PARVB: variants seen among roughly 807,000 people sequenced by gnomAD.
PARVB encodes parvin beta, also known as beta-parvin.
PARVB carries 46 observed loss-of-function variants against 47.0 expected under a neutral mutation model. That is an observed-to-expected ratio of 0.98 (90% CI 0.77 to 1.25). The LOEUF is 1.25. Ranked by LOEUF, PARVB falls within the 50% of genes most tolerant of loss-of-function variation. PARVB has a pLI of 0.00. For synonymous variants in PARVB, 196 were observed against 196.3 expected (o/e 1.00, Z 0.01); for missense variants, 473 against 471.6 (o/e 1.00, Z -0.03).
intron 1 of PARVB, among the ~76,000 whole-genome samples, chr22:44,087,917 C>T (rs941238688): frequency 2.7e-5 from 4 of 147,232 alleles, no homozygotes; most frequent in South Asian, 2.1e-4. Flanking sequence ...CTTTGGAAGC[C>T]GCACATATTC....
chr22:44,123,693 G>A (rs2053123789), intron 4 of PARVB, among the ~76,000 whole-genome samples: 1 of 152,004 alleles, frequency 6.6e-6, no homozygotes, highest in Non-Finnish European at 1.5e-5. Context: ...GGGTTTACAG[G>A]CATGAGCCAC....
At chr22:44,060,657 G>A (rs2051401879) in intron 1 of PARVB, among the ~76,000 whole-genome samples, 1 of 152,052 alleles carries the variant, frequency 6.6e-6, no homozygotes, top group Non-Finnish European at 1.5e-5. Context: ...TTTGGGCACA[G>A]GCGAAGGAGA....
chr22:44,095,381 G>C (rs1012917741), intron 2 of PARVB, among the ~76,000 whole-genome samples: 2 of 152,092 alleles, frequency 1.3e-5, no homozygotes, highest in Non-Finnish European at 2.9e-5. Flanking sequence ...TGGCTAGCCT[G>C]TAATTCCAGC....
intron 1 of PARVB, among the ~76,000 whole-genome samples, chr22:44,066,780 TCTCCTCCTCCTCCTC>T (rs199990350): frequency 6.2e-5 from 3 of 48,080 alleles, no homozygotes; most frequent in African/African-American, 9.5e-5. Context: ...CTTAATTATT[TCTCCTCCTCCTCCTC>T]CTCCTCCTCC....
chr22:44,030,459 C>T (rs550021558), intron 1 of PARVB, among the ~76,000 whole-genome samples: 11 of 152,292 alleles, frequency 7.2e-5, no homozygotes, highest in Admixed American at 5.2e-4. Context: ...CAGCCCTGGT[C>T]GGGGGCTGGA....
rs137924004 is a variant in PARVB, at chr22:44,100,535, A to G, written c.273+412A>G. On this transcript the variant is annotated intron_variant, in intron 3 of 12. Transcript: ENST00000338758. ...GGGGTCACCCTGGCCACTCCTGGCCAGGAGCCATCTGATGCCGATGCCTGC... is the reference window on the plus strand; with the variant it reads ...GGGGTCACCCTGGCCACTCCTGGCCGGGAGCCATCTGATGCCGATGCCTGC... Among the ~76,000 whole-genome samples the G allele has an allele frequency of 2.4e-3, 367 of 152,294 alleles. 1 individual carries two copies. The highest frequency in any genetic ancestry group is 8.3e-3 in the African/African-American group (347 of 41,574).
At chr22:44,061,591 A>T (rs1361751051) in intron 1 of PARVB, among the ~76,000 whole-genome samples, 2 of 152,024 alleles carry the variant, frequency 1.3e-5, no homozygotes, top group Non-Finnish European at 2.9e-5. Context: ...CCCGTGTTTG[A>T]CCTCAGGTGG....
At chr22:44,123,079 C>A (rs2053106915) in intron 4 of PARVB, among the ~76,000 whole-genome samples, 1 of 152,228 alleles carries the variant, frequency 6.6e-6, no homozygotes, top group Non-Finnish European at 1.5e-5. Flanking sequence ...ACCTCTCTCA[C>A]CTCTGGCCTT....
At chr22:44,065,026 G>A (rs1601548775) in intron 1 of PARVB, among the ~76,000 whole-genome samples, 2 of 152,152 alleles carry the variant, frequency 1.3e-5, no homozygotes, top group East Asian at 3.9e-4. Context: ...ATTTCTTTGG[G>A]TTTTACTTTG....
At chr22:44,024,909 C>T (rs1238343542) in intron 1 of PARVB, among the ~76,000 whole-genome samples, 1 of 152,198 alleles carries the variant, frequency 6.6e-6, no homozygotes, top group East Asian at 1.9e-4. Flanking sequence ...GGGCTCAGGG[C>T]GTGCAGGGCT....
chr22:44,030,901 C>T (rs1158100445), intron 1 of PARVB, among the ~76,000 whole-genome samples: 2 of 151,874 alleles, frequency 1.3e-5, no homozygotes, highest in East Asian at 1.9e-4. Context: ...GGAAGGCCAG[C>T]GGGCCTCCTA....
At chr22:44,133,669 G>T (rs1022595985) in intron 6 of PARVB, among the ~76,000 whole-genome samples, 3 of 152,216 alleles carry the variant, frequency 2.0e-5, no homozygotes, top group African/African-American at 7.2e-5. Context: ...CTCCCAGGTA[G>T]CTAGGACTAC....
intron 2 of PARVB, among the ~76,000 whole-genome samples, chr22:44,010,314 A>C (rs2050509579): frequency 6.6e-6 from 1 of 152,172 alleles, no homozygotes; most frequent in Admixed American, 6.6e-5. Context: ...GATGAATGGC[A>C]CCACGTCCCA....
intron 3 of PARVB, among the ~76,000 whole-genome samples, chr22:44,118,165 T>A (rs1231675356): frequency 1.3e-5 from 2 of 152,002 alleles, no homozygotes; most frequent in Non-Finnish European, 2.9e-5. Flanking sequence ...GAAATAACCA[T>A]CAACCAAGGG....
intron 10 of PARVB, chr22:44,153,542 G>T (rs1402895959): frequency 1.3e-5 from 2 of 152,104 alleles, no homozygotes; most frequent in Non-Finnish European, 2.9e-5. Flanking sequence ...TGTTGGTCAG[G>T]CTGGTCTCGA....
At chr22:44,003,150 A>G (rs2050429663) in intron 2 of PARVB, among the ~76,000 whole-genome samples, 1 of 152,190 alleles carries the variant, frequency 6.6e-6, no homozygotes, top group Non-Finnish European at 1.5e-5. Flanking sequence ...GTGCCGGTCA[A>G]TTAAAATATT....
intron 3 of PARVB, among the ~76,000 whole-genome samples, chr22:44,100,379 C>T (rs765824200): frequency 1.3e-5 from 2 of 152,146 alleles, no homozygotes; most frequent in African/African-American, 4.8e-5. Flanking sequence ...CTGGACAGAG[C>T]TCGGCAGGAG....
chr22:44,144,611 A>G (rs940681781), intron 8 of PARVB: 4 of 152,280 alleles, frequency 2.6e-5, no homozygotes, highest in Admixed American at 1.3e-4. Flanking sequence ...CAGCCTTACC[A>G]ACATGGCGAA....
intron 2 of PARVB, among the ~76,000 whole-genome samples, chr22:44,098,188 T>A (rs1286230697): frequency 6.6e-6 from 1 of 152,028 alleles, no homozygotes; most frequent in African/African-American, 2.4e-5. Context: ...AAGGCTGGGA[T>A]TGGGTAGTGA....
Sources: gnomAD v4.1 joint callset for allele counts (sites outside exome capture counted in the v4.1 genomes callset) on GRCh38, gnomAD v4.1.1 for gene constraint, MANE v1.5 for transcripts, NCBI Gene and HGNC (gene_info 2026-07-23, HGNC 2026-07-21) for gene names.